ELOVL6: variants seen among roughly 807,000 people sequenced by gnomAD.
ELOVL6 encodes the protein very long chain fatty acid elongase 6.
In ELOVL6, 8 loss-of-function variants were observed where a neutral mutation model predicts 31.7. The ratio of observed to expected loss-of-function variants is 0.25; its 90% CI spans 0.15 to 0.45. ELOVL6 has a LOEUF of 0.45. Ranked by LOEUF, ELOVL6 falls within the 20% of genes least tolerant of loss-of-function variation. ELOVL6 has a pLI of 1.00. For synonymous variants in ELOVL6, 101 were observed against 117.7 expected (o/e 0.86, Z 0.92); for missense variants, 126 against 326.4 (o/e 0.39, Z 4.73).
At chr4:110,171,443 TAA>T (rs1012466784) in intron 1 of ELOVL6, among the ~76,000 whole-genome samples, 1 of 150,024 alleles carries the variant, frequency 6.7e-6, no homozygotes, top group Middle Eastern at 3.2e-3. Context: ...AATAAATAAA[TAA>T]ATAGTATTAG....
chr4:110,142,691 T>C (rs552006596), intron 1 of ELOVL6, among the ~76,000 whole-genome samples: 26 of 152,330 alleles, frequency 1.7e-4, no homozygotes, highest in Admixed American at 3.3e-4. Flanking sequence ...TCACTTACAC[T>C]GAACAGGTAA....
intron 1 of ELOVL6, among the ~76,000 whole-genome samples, chr4:110,187,985 T>C (rs1237593030): frequency 6.6e-6 from 1 of 152,246 alleles, no homozygotes; most frequent in African/African-American, 2.4e-5. Context: ...AATTTAAAGC[T>C]ACTAAAATGA....
intron 3 of ELOVL6, among the ~76,000 whole-genome samples, chr4:110,058,508 G>A (rs538704255): frequency 2.0e-5 from 3 of 152,140 alleles, no homozygotes; most frequent in Non-Finnish European, 2.9e-5. Context: ...CTGGGTTGCC[G>A]GCCCACACAA....
Position 110,046,437 on chromosome 4 carries a change from C to T in ELOVL6, c.*4901G>A, listed in dbSNP as rs1415140836. ...TGCCACTTTTGAGCTCTCCCAAGCC[C>T]CACTCACGAATGTGCTCCCACTGTC... On this transcript the variant is annotated 3_prime_UTR_variant, in exon 4 of 4. Coordinates refer to ENST00000302274, the MANE Select transcript of ELOVL6 (RefSeq NM_024090.3). The T allele has an allele frequency of 6.6e-6, 1 of 152,182 alleles. No individual in the cohort carries two copies. The highest frequency in any genetic ancestry group is 1.5e-5 in the Non-Finnish European group (1 of 68,044). The allele number at this position is 152,182 out of a possible 1,614,324, so 9.4% of individuals were successfully genotyped here.
intron 1 of ELOVL6, among the ~76,000 whole-genome samples, chr4:110,148,098 A>T (rs1177489947): frequency 6.6e-6 from 1 of 150,532 alleles, no homozygotes; most frequent in Non-Finnish European, 1.5e-5. Context: ...AACAAGAGCA[A>T]AACTCGGTCT....
At chr4:110,144,429 A>C (rs1167223398) in intron 1 of ELOVL6, among the ~76,000 whole-genome samples, 1 of 152,238 alleles carries the variant, frequency 6.6e-6, no homozygotes, top group African/African-American at 2.4e-5. Flanking sequence ...GCTGGCATTA[A>C]AATCATATTT....
At chr4:110,099,373 C>T (rs1170474269) in intron 2 of ELOVL6, among the ~76,000 whole-genome samples, 1 of 151,822 alleles carries the variant, frequency 6.6e-6, no homozygotes, top group African/African-American at 2.4e-5. Flanking sequence ...CATACTTAAG[C>T]CAGAGAAGAA....
intron 1 of ELOVL6, among the ~76,000 whole-genome samples, chr4:110,120,475 T>C (rs2126253487): frequency 6.6e-6 from 1 of 152,306 alleles, no homozygotes; most frequent in East Asian, 1.9e-4. Context: ...AAAGTATTAC[T>C]GAATATCCAT....
intron 1 of ELOVL6, among the ~76,000 whole-genome samples, chr4:110,114,805 C>T (rs998243872): frequency 3.3e-5 from 5 of 152,042 alleles, no homozygotes; most frequent in South Asian, 2.1e-4. Flanking sequence ...CATTGAAAAC[C>T]GGATTTCAGG....
At chr4:110,158,220 A>G (rs1024713984) in intron 1 of ELOVL6, among the ~76,000 whole-genome samples, 12 of 152,210 alleles carry the variant, frequency 7.9e-5, no homozygotes, top group Non-Finnish European at 1.5e-4. Flanking sequence ...TCATCTTTCC[A>G]CATCACTACA....
chr4:110,089,310 C>T (rs544218393), intron 2 of ELOVL6, among the ~76,000 whole-genome samples: 6 of 152,238 alleles, frequency 3.9e-5, no homozygotes, highest in East Asian at 3.9e-4. Context: ...TTGAACCACT[C>T]GGGCCCACTT....
In ELOVL6 at chr4:110,048,056, G is replaced by A. The variant is rs1754744158; in HGVS notation, c.*3282C>T. On this transcript the variant is annotated 3_prime_UTR_variant, in exon 4 of 4. Transcript: ENST00000302274. ...TCTCATCAGTTTCTTTACATGAGCA[G>A]AGAGGTGGAGAAGCGAGGGGATATA... The A allele has an allele frequency of 6.6e-6, 1 of 152,140 alleles. No individual in the cohort carries two copies. Among genetic ancestry groups the A allele is most frequent in the Non-Finnish European group, 1.5e-5 (1 of 68,034 alleles). 9.4% of individuals were successfully genotyped at this position (152,140 alleles called of 1,614,324 possible).
intron 2 of ELOVL6, among the ~76,000 whole-genome samples, chr4:110,097,796 G>GAA (rs11284609): frequency 1.4e-5 from 2 of 138,774 alleles, no homozygotes; most frequent in Non-Finnish European, 1.6e-5. Flanking sequence ...TCTGCCTTCA[G>GAA]AAAAAAAAAA....
chr4:110,194,459 T>A (rs1759714480), intron 1 of ELOVL6, among the ~76,000 whole-genome samples: 1 of 152,220 alleles, frequency 6.6e-6, no homozygotes, highest in Non-Finnish European at 1.5e-5. Context: ...TGCATTTCAA[T>A]TGCTATTCTA....
intron 1 of ELOVL6, among the ~76,000 whole-genome samples, chr4:110,184,107 A>G (rs1242389542): frequency 6.6e-6 from 1 of 152,252 alleles, no homozygotes; most frequent in Non-Finnish European, 1.5e-5. Flanking sequence ...ACTGATAATT[A>G]GTCATGTTAA....
chr4:110,159,532 T>A (rs1758569944), intron 1 of ELOVL6, among the ~76,000 whole-genome samples: 1 of 152,180 alleles, frequency 6.6e-6, no homozygotes, highest in Admixed American at 6.5e-5. Flanking sequence ...TCCTTCTCTT[T>A]CCTAATGAAC....
At chr4:110,097,305 C>CA (rs33970271) in intron 2 of ELOVL6, among the ~76,000 whole-genome samples, 1,854 of 88,546 alleles carry the variant, frequency 0.021, 85 homozygotes, top group African/African-American at 0.06. Flanking sequence ...ACTCCATCTC[C>CA]AAAAAAAAAA....
chr4:110,094,886 C>T (rs779677238), intron 2 of ELOVL6, among the ~76,000 whole-genome samples: 80 of 152,088 alleles, frequency 5.3e-4, no homozygotes, highest in Admixed American at 6.6e-5. Flanking sequence ...GCAAAACTGG[C>T]AGGTGTGAGA....
intron 1 of ELOVL6, among the ~76,000 whole-genome samples, chr4:110,137,880 T>C (rs1205912957): frequency 6.6e-6 from 1 of 152,208 alleles, no homozygotes; most frequent in Non-Finnish European, 1.5e-5. Flanking sequence ...GGGCAGAGCT[T>C]AACTGTATCT....
Sources: allele counts gnomAD v4.1 joint callset (sites outside exome capture counted in the v4.1 genomes callset), GRCh38; gene constraint gnomAD v4.1.1; transcripts MANE v1.5; gene names NCBI Gene and HGNC (gene_info 2026-07-23, HGNC 2026-07-21).